FAM135B: variants seen among roughly 807,000 people sequenced by gnomAD.
FAM135B encodes the protein protein FAM135B.
A neutral mutation model predicts 127.7 loss-of-function variants in FAM135B; 43 were observed. That is an observed-to-expected ratio of 0.34 (90% CI 0.26 to 0.43). FAM135B has a LOEUF of 0.43. Ranked by LOEUF, FAM135B falls within the 20% of genes least tolerant of loss-of-function variation. The probability of loss-of-function intolerance (pLI) is 1.00; values close to 1 mark genes in which losing one functional copy is unlikely to be tolerated. For missense variants in FAM135B, 1,558 were observed against 1,725.6 expected, an observed-to-expected ratio of 0.90 and a Z score of 1.72; for synonymous variants, 670 against 665.1, an observed-to-expected ratio of 1.01 and a Z score of -0.11.
intron 1 of FAM135B, among the ~76,000 whole-genome samples, chr8:138,448,570 G>C (rs562910856): frequency 1.9e-4 from 29 of 152,088 alleles, no homozygotes; most frequent in African/African-American, 6.7e-4. Context: ...CCTGGGTCTT[G>C]AGCCCGTCAG....
At chr8:138,294,719 T>C (rs1462650110) in intron 3 of FAM135B, among the ~76,000 whole-genome samples, 1 of 152,220 alleles carries the variant, frequency 6.6e-6, no homozygotes, top group Non-Finnish European at 1.5e-5. Flanking sequence ...AATAAATTCC[T>C]GACCATTCAA....
intron 13 of FAM135B, among the ~76,000 whole-genome samples, chr8:138,150,725 A>T (rs1345827382): frequency 6.6e-6 from 1 of 152,174 alleles, no homozygotes; most frequent in Non-Finnish European, 1.5e-5. Flanking sequence ...TTAAAGGTTC[A>T]TTTGTAAAGA....
At chr8:138,442,538 A>G (rs1305398513) in intron 1 of FAM135B, among the ~76,000 whole-genome samples, 5 of 151,768 alleles carry the variant, frequency 3.3e-5, no homozygotes, top group African/African-American at 1.2e-4. Context: ...TATTTTTTCT[A>G]CTGTGTTGTC....
chr8:138,273,247 C>A (rs898127493), intron 3 of FAM135B, among the ~76,000 whole-genome samples: 1 of 152,092 alleles, frequency 6.6e-6, no homozygotes, highest in African/African-American at 2.4e-5. Flanking sequence ...ACTCTGTAGC[C>A]CAGGCTGGAG....
chr8:138,155,686 A>G (rs556853756), intron 12 of FAM135B, among the ~76,000 whole-genome samples: 1 of 152,318 alleles, frequency 6.6e-6, no homozygotes, highest in South Asian at 2.1e-4. Context: ...ACAAAGACCA[A>G]AAAAGACAAA....
chr8:138,405,735 G>A (rs1833442823), intron 1 of FAM135B, among the ~76,000 whole-genome samples: 1 of 152,034 alleles, frequency 6.6e-6, no homozygotes, highest in Non-Finnish European at 1.5e-5. Context: ...ACCCAGTAAT[G>A]GGATGGCTGG....
chr8:138,137,490 G>A (rs1218978648), intron 18 of FAM135B, among the ~76,000 whole-genome samples: 2 of 152,132 alleles, frequency 1.3e-5, no homozygotes, highest in Non-Finnish European at 2.9e-5. Context: ...AAGTCACTAA[G>A]CAGGGGCTTT....
At position 138,404,699 on chromosome 8, in the gene FAM135B, C is replaced by T. The variant is rs549053438; in HGVS notation, c.-19-36697G>A. On this transcript the variant is annotated intron_variant, in intron 1 of 19. Transcript: ENST00000395297. ...GAGTACAGTTCATCTCAAGACACCA[C>T]TTTCTTTGCTCGCTCATAAGAAGCA... is the stretch of plus-strand genomic sequence containing the variant. Among the ~76,000 whole-genome samples the T allele has an allele frequency of 1.2e-3, 185 of 152,264 alleles. 3 individuals are homozygous for T. Among genetic ancestry groups the T allele is most frequent in the Non-Finnish European group, 5.1e-4 (35 of 68,032 alleles).
At chr8:138,478,659 G>T (rs1814630648) in intron 1 of FAM135B, among the ~76,000 whole-genome samples, 1 of 152,070 alleles carries the variant, frequency 6.6e-6, no homozygotes, top group Non-Finnish European at 1.5e-5. Flanking sequence ...TAACTCTACG[G>T]ATAAAATTGG....
At chr8:138,306,072 T>A (rs1461182116) in intron 3 of FAM135B, among the ~76,000 whole-genome samples, 1 of 152,164 alleles carries the variant, frequency 6.6e-6, no homozygotes, top group Non-Finnish European at 1.5e-5. Flanking sequence ...AAGAAAAATT[T>A]ATGTTCTGTT....
Position 138,495,375 on chromosome 8 carries a change from C to T in FAM135B, c.-20+1296G>A, listed in dbSNP as rs1029227426. Among the ~76,000 whole-genome samples the T allele has an allele frequency of 2.0e-5, 3 of 152,202 alleles. No individual in the cohort carries two copies. The East Asian group carries it at 5.8e-4, about 29-fold the overall frequency. On this transcript the variant is annotated intron_variant, in intron 1 of 19. Transcript: ENST00000395297. ...CTCCAATCTGGTCCACTTTCCTCTA[C>T]ACCTAACCATCTGTCTAAGCTCTGA...
At chr8:138,377,703 G>A (rs1831572882) in intron 1 of FAM135B, among the ~76,000 whole-genome samples, 1 of 152,196 alleles carries the variant, frequency 6.6e-6, no homozygotes, top group South Asian at 2.1e-4. Flanking sequence ...GAGCACACAT[G>A]ACCTAGCAAG....
At chr8:138,247,674 T>C (rs534884307) in intron 6 of FAM135B, among the ~76,000 whole-genome samples, 2 of 152,324 alleles carry the variant, frequency 1.3e-5, no homozygotes, top group South Asian at 4.1e-4. Context: ...ATAAACACTT[T>C]GCATCACCAA....
Position 138,197,594 on chromosome 8 carries a change from G to C in FAM135B, c.745C>G (p.Leu249Val), listed in dbSNP as rs2131138744. ...AGACGGAGACCCCGGTAAGCGTGGA[G>C]GAGCAACAGGCACAGGTCTCGGTGC... ...KWHRDLCLLL[L>V]HAYRGLRLHF... The change falls in exon 8 of 20, where the codon CTC (leucine) becomes GTC (valine). Residue 249 changes from leucine to valine, a missense_variant. Transcript: ENST00000395297. The C allele has an allele frequency of 6.2e-7, 1 of 1,614,178 alleles. No homozygotes were observed. The highest frequency in any genetic ancestry group is 2.2e-5 in the East Asian group (1 of 44,868).
In FAM135B at chr8:138,242,936, C is replaced by T. The variant is rs900870299; in HGVS notation, c.669+6G>A. The stretch of plus-strand genomic sequence containing the variant: ...TTTTGAAGCAACTGCCCCACACAGG[C>T]CTTACCTCTGAGGAAGTCGGCTTGC... On this transcript the variant is annotated splice_donor_region_variant and intron_variant, in intron 7 of 19. Coordinates refer to ENST00000395297, the MANE Select transcript of FAM135B (RefSeq NM_015912.4). The surrounding 1 kb of genome is among the most constrained non-coding windows in gnomAD (Gnocchi z 9.6). 48 of 1,612,710 alleles carry T rather than the reference C, an allele frequency of 3.0e-5. No homozygotes were observed. The highest frequency in any genetic ancestry group is 4.1e-5 in the Non-Finnish European group (48 of 1,179,460).
chr8:138,405,429 G>T (rs1833419490), intron 1 of FAM135B, among the ~76,000 whole-genome samples: 3 of 141,616 alleles, frequency 2.1e-5, no homozygotes, highest in African/African-American at 7.9e-5. Context: ...TGTTCTCATT[G>T]TTCTATTCCC....
At chr8:138,411,886 TAAAG>T (rs1022833770) in intron 1 of FAM135B, among the ~76,000 whole-genome samples, 1 of 152,144 alleles carries the variant, frequency 6.6e-6, no homozygotes, top group Non-Finnish European at 1.5e-5. Flanking sequence ...TCTGCAGCCA[TAAAG>T]AAACAAAATC....
At chr8:138,275,364 AC>A (rs1823737430) in intron 3 of FAM135B, among the ~76,000 whole-genome samples, 1 of 152,010 alleles carries the variant, frequency 6.6e-6, no homozygotes, top group Admixed American at 6.6e-5. Flanking sequence ...TGCTCTTACC[AC>A]CTATTTGTCT....
In FAM135B at chr8:138,491,380, C is replaced by T. The variant is rs145581067; in HGVS notation, c.-20+5291G>A. Among the ~76,000 whole-genome samples, 500 of 152,226 alleles carry T rather than the reference C, an allele frequency of 3.3e-3. 1 individual carries two copies. The highest frequency in any genetic ancestry group is 5.3e-3 in the Non-Finnish European group (359 of 68,006). ...CTCTAACAATAAATCTATAGTTTTC[C>T]GTGTCCCAAGAAATGTTTCATAAGA... is the stretch of plus-strand genomic sequence containing the variant. On this transcript the variant is annotated intron_variant, in intron 1 of 19. Coordinates refer to ENST00000395297, the MANE Select transcript of FAM135B (RefSeq NM_015912.4).
Sources: allele counts gnomAD v4.1 joint callset (sites outside exome capture counted in the v4.1 genomes callset), GRCh38; gene constraint gnomAD v4.1.1; non-coding constraint Gnocchi (gnomAD v3.1); transcripts MANE v1.5; gene names NCBI Gene and HGNC (gene_info 2026-07-23, HGNC 2026-07-21).